Variants in ARID1A observed in about 807,000 individuals in gnomAD.
The protein encoded by ARID1A is AT-rich interaction domain 1A.
In ARID1A, 20 loss-of-function variants were observed where a neutral mutation model predicts 212.6. That is an observed-to-expected ratio of 0.09 (90% CI 0.07 to 0.14). The LOEUF (loss-of-function observed/expected upper bound fraction) is 0.14. Among genes scored for constraint, ARID1A ranks in the 10% least tolerant of loss-of-function variants. The pLI, the probability that ARID1A is intolerant of heterozygous loss-of-function variation, is 1.00. For synonymous variants in ARID1A, 1,376 were observed against 1,222.1 expected (o/e 1.13, Z -2.63); for missense variants, 2,587 against 3,059.0 (o/e 0.85, Z 3.64).
rs762302914 is a variant in ARID1A at position 26,775,789 on chromosome 1, C to T, written c.5124+82C>T. The T allele has an allele frequency of 1.9e-6, 3 of 1,595,070 alleles. No homozygotes were observed. In the African/African-American group the frequency reaches 4.0e-5, roughly 21 times the overall value. On this transcript the variant is annotated intron_variant, in intron 19 of 19. Coordinates refer to ENST00000324856, the MANE Select transcript of ARID1A (RefSeq NM_006015.6). Reference sequence around the variant, plus strand: ...AATGGGAATGTCTCATCTTTAGCCACCTTGGTCTTTCTCTTTCTCTCTTGT... The same window carrying T: ...AATGGGAATGTCTCATCTTTAGCCATCTTGGTCTTTCTCTTTCTCTCTTGT...
In ARID1A at chr1:26,756,585, A is replaced by C. The variant is rs535069443; in HGVS notation, c.1921-4271A>C. Among the ~76,000 whole-genome samples, 123 of 151,742 alleles carry C rather than the reference A, an allele frequency of 8.1e-4. 1 individual carries two copies. The highest frequency in any genetic ancestry group is 5.2e-3 in the South Asian group (25 of 4,810). On this transcript the variant is annotated intron_variant, in intron 4 of 19. Coordinates refer to ENST00000324856, the MANE Select transcript of ARID1A (RefSeq NM_006015.6). ...TCTTTAAAAAAAAAAAAAACAAAAA[A>C]ACACACACAAAAAAAAACCCACAAA...
chr1:26,778,267 A>C (rs1376457367), intron 19 of ARID1A: 3 of 151,954 alleles, frequency 2.0e-5, no homozygotes, highest in Non-Finnish European at 4.4e-5. Context: ...TCATCTCAAA[A>C]AAAAAAAAAA....
chr1:26,734,054 TG>T (rs749862144), intron 4 of ARID1A, among the ~76,000 whole-genome samples: 1 of 152,164 alleles, frequency 6.6e-6, no homozygotes, highest in Non-Finnish European at 1.5e-5. Flanking sequence ...ACTGAGGAAT[TG>T]GGGGAAGGAA....
chr1:26,742,571 G>C (rs1570586400), intron 4 of ARID1A, among the ~76,000 whole-genome samples: 3 of 152,254 alleles, frequency 2.0e-5, no homozygotes, highest in Admixed American at 2.0e-4. Flanking sequence ...CCCCATCCTA[G>C]ATTTATTGGA....
At chr1:26,777,079 A>C (rs75557837) in intron 19 of ARID1A, among the ~76,000 whole-genome samples, 5 of 152,232 alleles carry the variant, frequency 3.3e-5, no homozygotes, top group African/African-American at 1.2e-4. Context: ...GAAAAGCCAG[A>C]ATTTTTTTTT....
intron 1 of ARID1A, among the ~76,000 whole-genome samples, chr1:26,720,867 T>C (rs1413730691): frequency 6.7e-6 from 1 of 150,276 alleles, no homozygotes; most frequent in African/African-American, 2.5e-5. Context: ...AGACACCCTG[T>C]CTCAAAAGAA....
intron 4 of ARID1A, among the ~76,000 whole-genome samples, chr1:26,742,643 C>T (rs1245164363): frequency 6.6e-6 from 1 of 151,944 alleles, no homozygotes; most frequent in East Asian, 1.9e-4. Flanking sequence ...GCACAGAGAC[C>T]CTGAGAGCTG....
intron 19 of ARID1A, 156 bp from the exon 20 acceptor site, chr1:26,778,861 GAGATTA>G (rs963630324): frequency 6.2e-6 from 4 of 640,274 alleles, no homozygotes; most frequent in Non-Finnish European, 1.0e-5. Flanking sequence ...GGGCATAGAA[GAGATTA>G]AGATGAACAA....
rs1039830124 is a variant in ARID1A, at chr1:26,696,484, C to T, written c.81C>T (p.Ala27=). Reference sequence around the variant, plus strand: ...CGCCGCCCTCGGAGCTGAAGAAAGCCGAGCAGCAGCAGCGGGAGGAGGCGG... The same window carrying T: ...CGCCGCCCTCGGAGCTGAAGAAAGCTGAGCAGCAGCAGCGGGAGGAGGCGG... ...PPPPPSELKK[A]EQQQREEAGG... The change falls in exon 1 of 20, where the codon GCC becomes GCT. Residue 27 remains alanine (A), a synonymous_variant. Coordinates refer to ENST00000324856, the MANE Select transcript of ARID1A (RefSeq NM_006015.6). 45 of 1,249,372 alleles carry T rather than the reference C, an allele frequency of 3.6e-5. No individual in the cohort carries two copies. The highest frequency in any genetic ancestry group is 4.4e-5 in the Non-Finnish European group (44 of 999,734). The allele number at this position is 1,249,372 out of a possible 1,614,324, so 77.4% of individuals were successfully genotyped here.
Position 26,779,362 on chromosome 1 carries a change from C to G in ARID1A, c.5464C>G (p.Pro1822Ala). The change falls in exon 20 of 20, where the codon CCA (proline) becomes GCA (alanine). Residue 1822 changes from proline (P) to alanine (A), a missense_variant. Coordinates refer to ENST00000324856, the MANE Select transcript of ARID1A (RefSeq NM_006015.6). ...AGTAAAGATCGTACAGAAGAATGAT[C>G]CATTTGTGGTGGACTGCTCAGATAA... is the stretch of plus-strand genomic sequence containing the variant. ...LPVKIVQKND[P>A]FVVDCSDKLG... is the part of the protein sequence containing the mutation. 6.2e-7 allele frequency: 1 copy of G among 1,614,214 alleles called. No individual in the cohort carries two copies. Among genetic ancestry groups the G allele is most frequent in the Middle Eastern group, 1.6e-4 (1 of 6,062 alleles).
At chr1:26,760,196 C>CA (rs1470182301) in intron 4 of ARID1A, among the ~76,000 whole-genome samples, 1 of 152,132 alleles carries the variant, frequency 6.6e-6, no homozygotes, top group East Asian at 1.9e-4. Context: ...GGAAAGAAGA[C>CA]AAAAGTGCTA....
At chr1:26,701,137 C>CT (rs2080328035) in intron 1 of ARID1A, among the ~76,000 whole-genome samples, 1 of 152,110 alleles carries the variant, frequency 6.6e-6, no homozygotes, top group East Asian at 1.9e-4. Context: ...GGTTAGTGAA[C>CT]TTTTTTAGAA....
At chr1:26,709,143 G>T (rs2080424411) in intron 1 of ARID1A, among the ~76,000 whole-genome samples, 1 of 152,098 alleles carries the variant, frequency 6.6e-6, no homozygotes, top group Non-Finnish European at 1.5e-5. Flanking sequence ...CTCTGAATCT[G>T]TATTCTCAAC....
intron 4 of ARID1A, among the ~76,000 whole-genome samples, chr1:26,741,540 G>A (rs2080788573): frequency 6.6e-6 from 1 of 152,130 alleles, no homozygotes. Context: ...TATTAGGAGG[G>A]TATAAACAGG....
intron 1 of ARID1A, among the ~76,000 whole-genome samples, chr1:26,710,677 C>G (rs1426991947): frequency 6.6e-6 from 1 of 152,068 alleles, no homozygotes; most frequent in Non-Finnish European, 1.5e-5. Context: ...TATGTTCTAA[C>G]AAGTCCTCTA....
In ARID1A at chr1:26,736,465, T is replaced by TA. The variant is rs1432221312; in HGVS notation, c.1920+3679dup. 4.6e-5 allele frequency among the ~76,000 whole-genome samples: 7 copies of TA among 150,882 alleles called. 1 individual carries two copies. Among genetic ancestry groups the TA allele is most frequent in the African/African-American group, 4.9e-5 (2 of 40,926 alleles). On this transcript the variant is annotated intron_variant, in intron 4 of 19. Transcript: ENST00000324856. ...CAATATGGTGAAACCCTGTCTCTAC[T>TA]AAAAAATACAAAAATTAGCTGGGCG...
intron 4 of ARID1A, among the ~76,000 whole-genome samples, chr1:26,747,090 C>T (rs2080842966): frequency 6.6e-6 from 1 of 152,114 alleles, no homozygotes; most frequent in South Asian, 2.1e-4. Context: ...CCTGATAAAT[C>T]AAGCGTAGAA....
Position 26,772,491 on chromosome 1 carries a change from T to C in ARID1A, c.3407-9T>C, listed in dbSNP as rs1204200104. 6.2e-7 allele frequency: 1 copy of C among 1,614,204 alleles called. No homozygotes were observed. On this transcript the variant is annotated splice_polypyrimidine_tract_variant and intron_variant, in intron 12 of 19. Coordinates refer to ENST00000324856, the MANE Select transcript of ARID1A (RefSeq NM_006015.6). ...AAGCAAACTACTCAACTTGTATCTCTGTCCACAGCGGGATCAGGATCTATG... is the reference window on the plus strand; with the variant it reads ...AAGCAAACTACTCAACTTGTATCTCCGTCCACAGCGGGATCAGGATCTATG...
intron 4 of ARID1A, among the ~76,000 whole-genome samples, chr1:26,757,517 A>G (rs1001635009): frequency 2.8e-4 from 42 of 152,038 alleles, no homozygotes; most frequent in African/African-American, 1.0e-3. Context: ...TACGCACCAA[A>G]TAATTGAACA....
Sources: gnomAD v4.1 joint callset for allele counts (sites outside exome capture counted in the v4.1 genomes callset) on GRCh38, gnomAD v4.1.1 for gene constraint, MANE v1.5 for transcripts, NCBI Gene and HGNC (gene_info 2026-07-23, HGNC 2026-07-21) for gene names.